The following CD48 variants were observed in gnomAD, a reference collection of about 807,000 sequenced individuals.
The protein encoded by CD48 is CD48 molecule.
Under a neutral mutation model 22.0 loss-of-function variants are expected in CD48, and 20 were observed. That is an observed-to-expected ratio of 0.91 (90% CI 0.64 to 1.32). The LOEUF (loss-of-function observed/expected upper bound fraction) is 1.32, where lower values mean the gene tolerates loss of function less well. Ranked by LOEUF, CD48 falls within the 40% of genes most tolerant of loss-of-function variation. CD48 has a pLI of 0.00. For synonymous variants in CD48, 110 were observed against 110.1 expected, an observed-to-expected ratio of 1.00 and a Z score of 0.01; for missense variants, 307 against 286.5, an observed-to-expected ratio of 1.07 and a Z score of -0.52.
chr1:160,689,694 C>G (rs1662132388), intron 1 of CD48, among the ~76,000 whole-genome samples: 1 of 152,180 alleles, frequency 6.6e-6, no homozygotes, highest in South Asian at 2.1e-4. Context: ...AGAGATCTCA[C>G]CACGTCTGAA....
intron 1 of CD48, 27 bp downstream of exon 1, chr1:160,711,655 C>T: frequency 1.3e-6 from 2 of 1,562,988 alleles, no homozygotes; most frequent in Non-Finnish European, 1.8e-6. Context: ...AGTGCACAAT[C>T]ACAGATACAC....
Position 160,711,801 on chromosome 1 carries a change from T to C in CD48, c.-38A>G, listed in dbSNP as rs1662960675. 4.0e-6 allele frequency: 6 copies of C among 1,495,622 alleles called. No homozygotes were observed. Among genetic ancestry groups the C allele is most frequent in the South Asian group, 1.1e-5 (1 of 88,520 alleles). 92.6% of individuals were successfully genotyped at this position (1,495,622 alleles called of 1,614,324 possible). ...AACTTCCCAGCAACGCAGGAGACAG[T>C]TGAGAGCCTGGCTAGAAAAAGGCCG... On this transcript the variant is annotated 5_prime_UTR_variant, in exon 1 of 4. Coordinates refer to ENST00000368046, the MANE Select transcript of CD48 (RefSeq NM_001778.4).
chr1:160,695,887 A>C, intron 1 of CD48, among the ~76,000 whole-genome samples: 1 of 152,198 alleles, frequency 6.6e-6, no homozygotes, highest in Non-Finnish European at 1.5e-5. Context: ...AAGATTACGA[A>C]TAATAAAATT....
At chr1:160,686,980 G>A (rs1033602306) in intron 1 of CD48, among the ~76,000 whole-genome samples, 4 of 152,158 alleles carry the variant, frequency 2.6e-5, no homozygotes, top group Non-Finnish European at 4.4e-5. Flanking sequence ...TTAGGCAGGA[G>A]TTTTCTCTTC....
intron 1 of CD48, among the ~76,000 whole-genome samples, chr1:160,710,831 A>G (rs1662926562): frequency 6.6e-6 from 1 of 152,324 alleles, no homozygotes; most frequent in Non-Finnish European, 1.5e-5. Flanking sequence ...TTTATGCCAC[A>G]GTGTGACTAC....
rs764053550 is a variant in CD48, at chr1:160,711,749, A to C, written c.15T>G (p.Gly5=). ...ATTCCAGAGCCAGACACGAATCCCAACCTCTGGAGCACATGCTTCCTTCCA... is the reference window on the plus strand; with the variant it reads ...ATTCCAGAGCCAGACACGAATCCCACCCTCTGGAGCACATGCTTCCTTCCA... The part of the protein sequence containing the change: MCSR[G]WDSCLALELL... The change falls in exon 1 of 4, where the codon GGT becomes GGG. Residue 5 remains glycine, a synonymous_variant. Transcript: ENST00000368046. 1 of 1,612,956 alleles carries C rather than the reference A, an allele frequency of 6.2e-7. No individual in the cohort carries two copies. The highest frequency in any genetic ancestry group is 1.3e-5 in the African/African-American group (1 of 74,834).
chr1:160,683,573 G>A (rs1361159150), intron 2 of CD48: 2 of 148,696 alleles, frequency 1.3e-5, no homozygotes, highest in South Asian at 2.1e-4. Flanking sequence ...ACCACTGTAA[G>A]AGACCTTGAA....
intron 1 of CD48, chr1:160,692,333 A>G (rs1015594296): frequency 1.3e-5 from 2 of 152,220 alleles, no homozygotes; most frequent in Non-Finnish European, 2.9e-5. Context: ...AATGTTGACT[A>G]TAATCAATTA....
chr1:160,681,334 T>C lies in CD48; in HGVS notation c.520A>G (p.Lys174Glu). ...TCAAGCACACTGTTCTGGAGCTCCT[T>C]TGGGAAGGGCCTTTTGTCCCCATAC... Reference protein sequence around the residue: ...TWYGDKRPFPKELQNSVLETT... With the variant: ...TWYGDKRPFPEELQNSVLETT... Residue 174 changes from lysine to glutamate, a missense_variant, in exon 3 of 4, where the codon AAG becomes GAG. Lys to Glu is a moderately conservative substitution (Grantham distance 56, BLOSUM62 1). Transcript: ENST00000368046. The C allele has an allele frequency of 6.2e-7, 1 of 1,614,166 alleles. No homozygotes were observed. Among genetic ancestry groups the C allele is most frequent in the Non-Finnish European group, 8.5e-7 (1 of 1,180,024 alleles).
At chr1:160,679,164 T>A (rs765422600) in intron 3 of CD48, 33 bp from the exon 4 acceptor site, 1 of 1,554,546 alleles carries the variant, frequency 6.4e-7, no homozygotes, top group Admixed American at 1.7e-5. Flanking sequence ...TATGCTTAGG[T>A]ATCTTTATCT....
At chr1:160,686,393 T>A (rs1375720493) in intron 1 of CD48, among the ~76,000 whole-genome samples, 2 of 152,156 alleles carry the variant, frequency 1.3e-5, no homozygotes, top group African/African-American at 4.8e-5. Flanking sequence ...TATATTCCTA[T>A]CCGGAGGGTA....
chr1:160,700,475 G>A lies in CD48; in HGVS notation c.82+11207C>T, dbSNP rs531490563. On this transcript the variant is annotated intron_variant, in intron 1 of 3. Coordinates refer to ENST00000368046, the MANE Select transcript of CD48 (RefSeq NM_001778.4). ...AAAGTTTTTGAGACAGAATAAGGAA[G>A]AAAACATCACTCCACTAAATCATTA... 5.3e-5 allele frequency among the ~76,000 whole-genome samples: 8 copies of A among 152,270 alleles called. No homozygotes were observed. In the South Asian group the frequency reaches 1.7e-3, roughly 32 times the overall value.
At chr1:160,698,746 T>A (rs1662520454) in intron 1 of CD48, among the ~76,000 whole-genome samples, 2 of 152,070 alleles carry the variant, frequency 1.3e-5, no homozygotes, top group Non-Finnish European at 2.9e-5. Flanking sequence ...GAAGAGAAGA[T>A]AATCTCACTT....
At chr1:160,709,894 C>A (rs74611787) in intron 1 of CD48, among the ~76,000 whole-genome samples, 1,612 of 152,250 alleles carry the variant, frequency 0.011, 26 homozygotes, top group African/African-American at 0.037. Flanking sequence ...ACAGATGATC[C>A]ACCAAGCAAT....
Position 160,681,396 on chromosome 1 carries a change from G to T in CD48, c.458C>A (p.Ser153Ter). 1.2e-6 allele frequency: 2 copies of T among 1,614,134 alleles called. No homozygotes were observed. Among genetic ancestry groups the T allele is most frequent in the South Asian group, 2.2e-5 (2 of 91,068 alleles). Reference sequence around the variant, plus strand: ...TACAGACTCGCCAGGTATCACACATGACAGTTTCAGATAACAGTTGTCATC... The same window carrying T: ...TACAGACTCGCCAGGTATCACACATTACAGTTTCAGATAACAGTTGTCATC... ...DMDDNCYLKL[S>*]CVIPGESVNY... is the part of the protein sequence containing the mutation. Residue 153 changes from serine to a stop codon, truncating the protein, a stop_gained, in exon 3 of 4, where the codon TCA (serine) becomes TAA (stop). Coordinates refer to ENST00000368046, the MANE Select transcript of CD48 (RefSeq NM_001778.4). LOFTEE classifies it high-confidence loss of function.
chr1:160,680,772 G>A, intron 3 of CD48: 2 of 1,078,934 alleles, frequency 1.9e-6, no homozygotes, highest in Non-Finnish European at 2.3e-6. Flanking sequence ...GACTTTGGCG[G>A]TCTAATGACC....
intron 3 of CD48, chr1:160,680,951 G>C: frequency 7.0e-7 from 1 of 1,435,730 alleles, no homozygotes; most frequent in Non-Finnish European, 9.1e-7. Flanking sequence ...GGAGAGGGAA[G>C]AGGAGTATCA....
Position 160,680,784 on chromosome 1 carries a change from C to A in CD48, c.652+418G>T, listed in dbSNP as rs764978058. The A allele has an allele frequency of 2.7e-6, 3 of 1,111,744 alleles. No individual in the cohort carries two copies. In the African/African-American group the frequency reaches 4.8e-5, roughly 18 times the overall value. 68.9% of individuals were successfully genotyped at this position (1,111,744 alleles called of 1,614,324 possible). ...GCTGACTTTGGCGGTCTAATGACCT[C>A]GGTCCCTCTTTCCTTGGCTGACTTC... On this transcript the variant is annotated intron_variant, in intron 3 of 3. Coordinates refer to ENST00000368046, the MANE Select transcript of CD48 (RefSeq NM_001778.4).
At chr1:160,704,398 C>T (rs979068778) in intron 1 of CD48, among the ~76,000 whole-genome samples, 11 of 151,614 alleles carry the variant, frequency 7.3e-5, no homozygotes, top group East Asian at 3.9e-4. Flanking sequence ...TTGGGGTTAG[C>T]GGGATACATG....
Sources: allele counts gnomAD v4.1 joint callset (sites outside exome capture counted in the v4.1 genomes callset), GRCh38; gene constraint gnomAD v4.1.1; transcripts MANE v1.5; gene names NCBI Gene and HGNC (gene_info 2026-07-23, HGNC 2026-07-21).